The following PCDHA11 variants were observed in gnomAD, a reference collection of about 807,000 sequenced individuals.
The protein encoded by PCDHA11 is protocadherin alpha-11.
PCDHA11 carries 61 observed loss-of-function variants against 70.3 expected under a neutral mutation model. That is an observed-to-expected ratio of 0.87 (90% CI 0.71 to 1.07). PCDHA11 has a LOEUF of 1.07. Ranked by LOEUF, PCDHA11 falls within the 50% of genes least tolerant of loss-of-function variation. The probability of loss-of-function intolerance (pLI) is 0.00; values close to 1 mark genes in which losing one functional copy is unlikely to be tolerated. For missense variants in PCDHA11, 1,324 were observed against 1,237.5 expected (o/e 1.07, Z -1.05); for synonymous variants, 633 against 555.1 (o/e 1.14, Z -1.97).
At chr5:141,004,677 A>T (rs971713487) in intron 3 of PCDHA11, among the ~76,000 whole-genome samples, 4 of 152,194 alleles carry the variant, frequency 2.6e-5, no homozygotes, top group African/African-American at 7.2e-5. Context: ...AGGACTGTGG[A>T]GTGGTGCTGA....
At chr5:140,998,472 A>G (rs1212895520) in intron 3 of PCDHA11, among the ~76,000 whole-genome samples, 1 of 151,938 alleles carries the variant, frequency 6.6e-6, no homozygotes, top group Non-Finnish European at 1.5e-5. Context: ...TTTTCCTCCC[A>G]CTGTGCTGTA....
At chr5:140,975,330 A>G (rs563974651) in intron 1 of PCDHA11, among the ~76,000 whole-genome samples, 1 of 152,320 alleles carries the variant, frequency 6.6e-6, no homozygotes, top group African/African-American at 2.4e-5. Flanking sequence ...CATCCAGATG[A>G]TCTCCCTTTC....
intron 3 of PCDHA11, among the ~76,000 whole-genome samples, chr5:140,985,795 A>G (rs2097171299): frequency 7.3e-6 from 1 of 136,386 alleles, no homozygotes; most frequent in African/African-American, 2.8e-5. Context: ...GCTGGAGTGC[A>G]GTGGCACGAT....
At chr5:140,967,072 C>T in intron 1 of PCDHA11, 1 of 1,613,106 alleles carries the variant, frequency 6.2e-7, no homozygotes, top group Non-Finnish European at 8.5e-7. Flanking sequence ...TCTTCGTCAA[C>T]GAGCGCATTG....
chr5:140,870,085 C>A lies in PCDHA11; in HGVS notation c.982C>A (p.Pro328Thr). The A allele has an allele frequency of 6.2e-7, 1 of 1,613,862 alleles. No homozygotes were observed. The highest frequency in any genetic ancestry group is 8.5e-7 in the Non-Finnish European group (1 of 1,179,864). The change falls in exon 1 of 4, where the codon CCA (proline) becomes ACA (threonine). Residue 328 changes from proline to threonine, a missense_variant. Pro to Thr is a conservative substitution (Grantham distance 38, BLOSUM62 -1). Transcript: ENST00000398640. ...EVQATDKGTP[P>T]MAGHCTVWVE... The stretch of plus-strand genomic sequence containing the variant: ...ACAGGCTACAGATAAGGGGACTCCC[C>A]CAATGGCAGGTCACTGTACAGTCTG...
intron 3 of PCDHA11, among the ~76,000 whole-genome samples, chr5:140,992,959 T>A (rs1262703040): frequency 6.6e-6 from 1 of 152,206 alleles, no homozygotes; most frequent in Non-Finnish European, 1.5e-5. Context: ...TCACCCCTTA[T>A]ACTGCTGACA....
intron 1 of PCDHA11, among the ~76,000 whole-genome samples, chr5:140,961,978 G>T (rs1336878095): frequency 6.6e-6 from 1 of 151,828 alleles, no homozygotes; most frequent in Non-Finnish European, 1.5e-5. Context: ...CCGCCTCCTG[G>T]GTTCACGCCA....
chr5:140,927,946 G>A (rs1341193072), intron 1 of PCDHA11: 1 of 1,614,096 alleles, frequency 6.2e-7, no homozygotes, highest in East Asian at 2.2e-5. Context: ...AGTACCTGAG[G>A]ACGCTGCCCC....
chr5:140,923,570 C>T (rs1554201533), intron 1 of PCDHA11, among the ~76,000 whole-genome samples: 2 of 152,136 alleles, frequency 1.3e-5, no homozygotes, highest in African/African-American at 4.8e-5. Context: ...AAAGGTCCTG[C>T]TAAAGAGAAG....
At chr5:140,895,994 A>G (rs1554186774) in intron 1 of PCDHA11, among the ~76,000 whole-genome samples, 1 of 152,038 alleles carries the variant, frequency 6.6e-6, no homozygotes, top group Non-Finnish European at 1.5e-5. Context: ...TATTTTAAGT[A>G]GAGACAGGGT....
At chr5:140,991,183 A>G (rs3776108) in intron 3 of PCDHA11, among the ~76,000 whole-genome samples, 7,613 of 152,310 alleles carry the variant, frequency 0.05, 238 homozygotes, top group South Asian at 0.11. Flanking sequence ...CAGGATGCCT[A>G]GCACACAATG....
intron 1 of PCDHA11, among the ~76,000 whole-genome samples, chr5:140,935,422 A>G (rs2090365671): frequency 6.6e-6 from 1 of 152,228 alleles, no homozygotes; most frequent in South Asian, 2.1e-4. Context: ...TTAGAAAACA[A>G]TTTCAGCACT....
At chr5:140,905,620 T>G (rs1417322136) in intron 1 of PCDHA11, among the ~76,000 whole-genome samples, 2 of 152,210 alleles carry the variant, frequency 1.3e-5, no homozygotes, top group African/African-American at 4.8e-5. Context: ...ATAGATTGCT[T>G]TTGACAGTAT....
chr5:140,915,513 A>T (rs2077156707), intron 1 of PCDHA11, among the ~76,000 whole-genome samples: 2 of 152,124 alleles, frequency 1.3e-5, no homozygotes, highest in African/African-American at 2.4e-5. Context: ...GTTTTTGCAG[A>T]CTAGTAGAGG....
chr5:140,981,603 C>T (rs1213864255), intron 2 of PCDHA11, among the ~76,000 whole-genome samples: 4 of 152,052 alleles, frequency 2.6e-5, no homozygotes, highest in Non-Finnish European at 5.9e-5. Context: ...CAAAATGTTC[C>T]TCTAATTTTG....
chr5:140,997,124 C>T (rs933067358), intron 3 of PCDHA11, among the ~76,000 whole-genome samples: 2 of 152,074 alleles, frequency 1.3e-5, no homozygotes, highest in Non-Finnish European at 2.9e-5. Context: ...CCCACATACA[C>T]AATGCCCCCA....
chr5:140,963,895 T>C (rs1331133094), intron 1 of PCDHA11, among the ~76,000 whole-genome samples: 2 of 152,224 alleles, frequency 1.3e-5, no homozygotes, highest in Non-Finnish European at 2.9e-5. Flanking sequence ...TTAATTAAAA[T>C]GAGTAAAGTG....
chr5:140,974,057 G>A (rs1302269611), intron 1 of PCDHA11, among the ~76,000 whole-genome samples: 1 of 152,154 alleles, frequency 6.6e-6, no homozygotes, highest in Non-Finnish European at 1.5e-5. Flanking sequence ...ATAATATTTG[G>A]AGCAGTATAA....
intron 1 of PCDHA11, chr5:140,884,108 G>T: frequency 1.9e-6 from 3 of 1,613,402 alleles, no homozygotes; most frequent in Non-Finnish European, 2.5e-6. Context: ...ATTGCAGCTG[G>T]CGGCGGTCGG....
Sources: allele counts gnomAD v4.1 joint callset (sites outside exome capture counted in the v4.1 genomes callset), GRCh38; gene constraint gnomAD v4.1.1; transcripts MANE v1.5; gene names NCBI Gene and HGNC (gene_info 2026-07-23, HGNC 2026-07-21).